TUBGCP3: variants seen among roughly 807,000 people sequenced by gnomAD.
TUBGCP3 encodes the protein tubulin gamma complex component 3.
A neutral mutation model predicts 123.1 loss-of-function variants in TUBGCP3; 50 were observed. That is an observed-to-expected ratio of 0.41 (90% CI 0.32 to 0.51). TUBGCP3 has a LOEUF of 0.51. Ranked by LOEUF, TUBGCP3 falls within the 20% of genes least tolerant of loss-of-function variation. TUBGCP3 has a pLI of 0.36. For synonymous variants in TUBGCP3, 405 were observed against 413.9 expected, an observed-to-expected ratio of 0.98 and a Z score of 0.26; for missense variants, 882 against 1,127.0, an observed-to-expected ratio of 0.78 and a Z score of 3.11.
chr13:112,539,656 T>C (rs1878340358), intron 11 of TUBGCP3, among the ~76,000 whole-genome samples: 1 of 152,226 alleles, frequency 6.6e-6, no homozygotes, highest in East Asian at 1.9e-4. Context: ...CCTAGGTACG[T>C]GCATCAGTAA....
chr13:112,534,644 G>A (rs1877889957), intron 11 of TUBGCP3, among the ~76,000 whole-genome samples: 1 of 151,904 alleles, frequency 6.6e-6, no homozygotes, highest in Admixed American at 6.6e-5. Context: ...ACTTGCGCTC[G>A]GCGACGCCAT....
chr13:112,547,615 G>A lies in TUBGCP3; in HGVS notation c.1168+5C>T, dbSNP rs1879169824. 2 of 1,514,428 alleles carry A rather than the reference G, an allele frequency of 1.3e-6. No individual in the cohort carries two copies. Among genetic ancestry groups the A allele is most frequent in the African/African-American group, 1.4e-5 (1 of 71,200 alleles). 93.8% of individuals were successfully genotyped at this position (1,514,428 alleles called of 1,614,324 possible). ...AGACGTGCGTGGGAAAGACGCGCGT[G>A]GGACCTTGGCAGTGGTCCACTAGGG... On this transcript the variant is annotated splice_donor_5th_base_variant and intron_variant, in intron 10 of 21. Transcript: ENST00000261965.
Position 112,519,064 on chromosome 13 carries a change from A to G in TUBGCP3, c.1882-21T>C, listed in dbSNP as rs2139057468. Reference sequence around the variant, plus strand: ...GAGACCTAACAACAGAAACAAACACATAATTGCAAGACCTTAAGCTTCTTG... The same window carrying G: ...GAGACCTAACAACAGAAACAAACACGTAATTGCAAGACCTTAAGCTTCTTG... On this transcript the variant is annotated intron_variant, in intron 15 of 21. Transcript: ENST00000261965. This position sits in a 1 kb window ranked among gnomAD's most constrained non-coding sequence, Gnocchi z 6.2. 3 of 1,601,344 alleles carry G rather than the reference A, an allele frequency of 1.9e-6. No individual in the cohort carries two copies. Among genetic ancestry groups the G allele is most frequent in the Non-Finnish European group, 2.6e-6 (3 of 1,168,386 alleles).
intron 8 of TUBGCP3, among the ~76,000 whole-genome samples, chr13:112,551,050 G>C (rs1716083424): frequency 6.6e-6 from 1 of 152,012 alleles, no homozygotes; most frequent in Non-Finnish European, 1.5e-5. Context: ...AGTGAGCCGA[G>C]ATCGCGCCAC....
At chr13:112,506,599 A>G (rs1411361106) in intron 17 of TUBGCP3, among the ~76,000 whole-genome samples, 2 of 152,206 alleles carry the variant, frequency 1.3e-5, no homozygotes, top group Non-Finnish European at 2.9e-5. Context: ...ACATACCCCA[A>G]GTATCTTTCT....
intron 9 of TUBGCP3, among the ~76,000 whole-genome samples, 157 bp from the exon 10 acceptor site, chr13:112,547,909 C>T (rs1450606744): frequency 1.3e-5 from 2 of 152,054 alleles, no homozygotes; most frequent in Non-Finnish European, 2.9e-5. Flanking sequence ...CTACCTTTAA[C>T]CGGTAGAACC....
intron 4 of TUBGCP3, among the ~76,000 whole-genome samples, chr13:112,558,839 G>A (rs560096499): frequency 2.6e-5 from 4 of 152,228 alleles, no homozygotes; most frequent in East Asian, 3.9e-4. Flanking sequence ...GCACTCCCAC[G>A]TCTCTGGTGA....
chr13:112,601,411 G>A, the TUBGCP3 span, among the ~76,000 whole-genome samples: 3 of 151,982 alleles, frequency 2.0e-5, no homozygotes, highest in African/African-American at 7.3e-5. Context: ...TTCTCATTCT[G>A]TCGCCCGGGC....
At chr13:112,534,171 T>G (rs1187320211) in intron 11 of TUBGCP3, among the ~76,000 whole-genome samples, 2 of 152,200 alleles carry the variant, frequency 1.3e-5, no homozygotes, top group Non-Finnish European at 2.9e-5. Context: ...GGAGGGTGGA[T>G]AGACCAGGGG....
intron 1 of TUBGCP3, among the ~76,000 whole-genome samples, chr13:112,583,330 G>C (rs996586584): frequency 2.6e-5 from 4 of 152,126 alleles, no homozygotes; most frequent in Non-Finnish European, 5.9e-5. Context: ...AAGATAATTT[G>C]GTCTTCATCT....
At chr13:112,521,790 G>A (rs2139068137) in intron 14 of TUBGCP3, 1 of 985,390 alleles carries the variant, frequency 1.0e-6, no homozygotes, top group African/African-American at 1.7e-5. Flanking sequence ...CTGGGCCGGG[G>A]TCTGCACTGT....
chr13:112,504,004 CTT>C, intron 19 of TUBGCP3, 26 bp downstream of exon 19: 1 of 1,565,518 alleles, frequency 6.4e-7, no homozygotes, highest in Admixed American at 1.8e-5. Flanking sequence ...CTTTTGGTTT[CTT>C]GTTTCTAAGC....
the TUBGCP3 span, among the ~76,000 whole-genome samples, chr13:112,594,876 G>T: frequency 2.6e-5 from 4 of 152,234 alleles, no homozygotes; most frequent in Non-Finnish European, 5.9e-5. Context: ...AGATTTTCCT[G>T]TTATTTTGTT....
chr13:112,502,658 G>A (rs1043755431), intron 19 of TUBGCP3, among the ~76,000 whole-genome samples: 12 of 146,110 alleles, frequency 8.2e-5, no homozygotes, highest in African/African-American at 3.1e-4. Context: ...CCATTCTCCT[G>A]CCTCAGCCTC....
At chr13:112,517,442 T>G (rs1440338699) in intron 16 of TUBGCP3, among the ~76,000 whole-genome samples, 2 of 152,208 alleles carry the variant, frequency 1.3e-5, no homozygotes, top group African/African-American at 4.8e-5. Flanking sequence ...AATTATCTCT[T>G]ATCTAGGCAA....
intron 1 of TUBGCP3, among the ~76,000 whole-genome samples, chr13:112,578,558 CAAAAAAAAA>C (rs71131496): frequency 0.022 from 538 of 24,876 alleles, 5 homozygotes; most frequent in South Asian, 0.08. Context: ...GACTCCGTCT[CAAAAAAAAA>C]AAAAAAAAAA....
At chr13:112,579,957 G>A (rs1882165086) in intron 1 of TUBGCP3, among the ~76,000 whole-genome samples, 3 of 152,322 alleles carry the variant, frequency 2.0e-5, no homozygotes, top group East Asian at 3.9e-4. Context: ...TGGTAAAATG[G>A]ATAAACTGGT....
intron 20 of TUBGCP3, among the ~76,000 whole-genome samples, chr13:112,493,329 TG>T (rs1028198548): frequency 6.7e-6 from 1 of 149,890 alleles, no homozygotes; most frequent in Non-Finnish European, 1.5e-5. Flanking sequence ...GAACATGGCC[TG>T]GTATGCCTGA....
chr13:112,600,359 T>C, the TUBGCP3 span, among the ~76,000 whole-genome samples: 1 of 152,248 alleles, frequency 6.6e-6, no homozygotes, highest in Non-Finnish European at 1.5e-5. Context: ...GAGCTTCTGA[T>C]TGATTGACTA....
Sources: gnomAD v4.1 joint callset for allele counts (sites outside exome capture counted in the v4.1 genomes callset) on GRCh38, gnomAD v4.1.1 for gene constraint, Gnocchi (gnomAD v3.1) non-coding constraint, MANE v1.5 for transcripts, NCBI Gene and HGNC (gene_info 2026-07-23, HGNC 2026-07-21) for gene names.